The following PCDH7 variants were observed in gnomAD, a reference collection of about 807,000 sequenced individuals.
The protein encoded by PCDH7 is protocadherin-7.
Under a neutral mutation model 58.9 loss-of-function variants are expected in PCDH7, and 17 were observed. The ratio of observed to expected loss-of-function variants is 0.29; its 90% CI spans 0.20 to 0.43. The LOEUF is 0.43. PCDH7 is among the 20% of genes least tolerant of loss of function. PCDH7 has a pLI of 1.00. For synonymous variants in PCDH7, 664 were observed against 616.4 expected, an observed-to-expected ratio of 1.08 and a Z score of -1.14; for missense variants, 1,274 against 1,441.0, an observed-to-expected ratio of 0.88 and a Z score of 1.88.
intron 1 of PCDH7, among the ~76,000 whole-genome samples, chr4:30,769,480 A>G (rs911159473): frequency 6.6e-6 from 1 of 152,202 alleles, no homozygotes; most frequent in Non-Finnish European, 1.5e-5. Context: ...TTGCCTTCCC[A>G]GGTAGAGACT....
At chr4:30,788,125 T>C (rs1466111087) in intron 1 of PCDH7, among the ~76,000 whole-genome samples, 2 of 152,086 alleles carry the variant, frequency 1.3e-5, no homozygotes, top group Non-Finnish European at 2.9e-5. Flanking sequence ...ATGGGTGCTA[T>C]TATAGAAAAA....
At chr4:30,955,838 C>T (rs116113080) in intron 3 of PCDH7, among the ~76,000 whole-genome samples, 6,076 of 151,982 alleles carry the variant, frequency 0.04, 418 homozygotes, top group African/African-American at 0.14. Context: ...CATAAGCCAC[C>T]GTGCTCGGCC....
At chr4:31,074,640 C>T (rs1176155150) in intron 3 of PCDH7, among the ~76,000 whole-genome samples, 3 of 151,446 alleles carry the variant, frequency 2.0e-5, no homozygotes, top group Admixed American at 6.6e-5. Flanking sequence ...AAAAAATAGC[C>T]AGGCATGGTG....
chr4:31,044,450 G>A (rs1243808842), intron 3 of PCDH7, among the ~76,000 whole-genome samples: 1 of 151,760 alleles, frequency 6.6e-6, no homozygotes, highest in Non-Finnish European at 1.5e-5. Context: ...ATTTTTTTAA[G>A]TGTAATTATC....
intron 3 of PCDH7, among the ~76,000 whole-genome samples, chr4:31,086,384 GTC>G (rs1405343786): frequency 6.6e-5 from 10 of 152,262 alleles, no homozygotes; most frequent in Non-Finnish European, 1.5e-4. Flanking sequence ...CATGCTGTGT[GTC>G]TGTGTGTGCA....
intron 1 of PCDH7, among the ~76,000 whole-genome samples, chr4:30,884,285 T>C (rs1370139266): frequency 6.6e-6 from 1 of 152,130 alleles, no homozygotes; most frequent in Non-Finnish European, 1.5e-5. Context: ...AGGAAGTATT[T>C]TGCACAAGGT....
intron 3 of PCDH7, among the ~76,000 whole-genome samples, chr4:31,004,540 T>C (rs1179515487): frequency 6.6e-6 from 1 of 151,860 alleles, no homozygotes; most frequent in Non-Finnish European, 1.5e-5. Context: ...TGAAACCCCA[T>C]CTCTACAAAA....
At chr4:30,902,758 A>G (rs144786337) in intron 1 of PCDH7, among the ~76,000 whole-genome samples, 1 of 152,298 alleles carries the variant, frequency 6.6e-6, no homozygotes, top group East Asian at 1.9e-4. Flanking sequence ...TATTTTAGAT[A>G]TGGCTCACCA....
chr4:30,760,018 T>G (rs1719818936), intron 1 of PCDH7, among the ~76,000 whole-genome samples: 1 of 151,600 alleles, frequency 6.6e-6, no homozygotes. Context: ...ACATTGGAAA[T>G]AGGTGGGCAT....
At chr4:31,084,656 AAG>A (rs71651575) in intron 3 of PCDH7, among the ~76,000 whole-genome samples, 26,036 of 112,000 alleles carry the variant, frequency 0.23, 3,862 homozygotes, top group East Asian at 0.45. Context: ...AGGAGCAAGA[AAG>A]AGAGAGAGAG....
chr4:31,144,899 G>T (rs1720578613), downstream of PCDH7: 1 of 152,062 alleles, frequency 6.6e-6, no homozygotes, highest in Non-Finnish European at 1.5e-5. Context: ...CTAGTACTTT[G>T]TTAGGAAACT....
chr4:31,068,873 A>G (rs1055376527), intron 3 of PCDH7, among the ~76,000 whole-genome samples: 1 of 152,078 alleles, frequency 6.6e-6, no homozygotes, highest in African/African-American at 2.4e-5. Context: ...CATATAAGCC[A>G]TAATTACACT....
At chr4:30,831,430 A>G (rs528008345) in intron 1 of PCDH7, among the ~76,000 whole-genome samples, 1 of 152,184 alleles carries the variant, frequency 6.6e-6, no homozygotes, top group Admixed American at 6.6e-5. Context: ...ACAACTATAC[A>G]TAGGGTAATA....
At chr4:30,873,955 T>G (rs1735945170) in intron 1 of PCDH7, among the ~76,000 whole-genome samples, 2 of 152,138 alleles carry the variant, frequency 1.3e-5, no homozygotes, top group Admixed American at 1.3e-4. Context: ...TACAATGTAA[T>G]GGCTCAGAAA....
At position 30,722,476 on chromosome 4, in the gene PCDH7, G is replaced by C. The variant is rs774056656; in HGVS notation, c.1054G>C (p.Glu352Gln). ...CGAATACGTGTTCGGGGCGGCCACCGAGTCGGTGAGGCGGCTGCTGCGCCT... is the reference window on the plus strand; with the variant it reads ...CGAATACGTGTTCGGGGCGGCCACCCAGTCGGTGAGGCGGCTGCTGCGCCT... Residue 352 changes from glutamate (E) to glutamine (Q), a missense_variant, in exon 1 of 2, where the codon GAG becomes CAG. By Grantham distance (29) the Glu-to-Gln change is conservative. This residue lies in a region of PCDH7 where 331 missense variants were observed against 303.2 expected (regional missense o/e 1.09). Coordinates refer to ENST00000361762, the Ensembl canonical transcript of PCDH7. This position sits in a 1 kb window ranked among gnomAD's most constrained non-coding sequence, Gnocchi z 7.6. The C allele has an allele frequency of 2.6e-5, 42 of 1,609,626 alleles. No homozygotes were observed. The highest frequency in any genetic ancestry group is 1.6e-4 in the Middle Eastern group (1 of 6,064).
At chr4:30,798,236 T>C (rs948419010) in intron 1 of PCDH7, among the ~76,000 whole-genome samples, 1 of 152,176 alleles carries the variant, frequency 6.6e-6, no homozygotes, top group South Asian at 2.1e-4. Context: ...CAGAGGTCTT[T>C]ACAGACAGGG....
intron 1 of PCDH7, among the ~76,000 whole-genome samples, chr4:30,813,324 T>C (rs1727243527): frequency 6.6e-6 from 1 of 152,212 alleles, no homozygotes; most frequent in Non-Finnish European, 1.5e-5. Context: ...AGTGAACTGT[T>C]CCTTTTGGTA....
At chr4:31,012,191 G>T (rs1016022195) in intron 3 of PCDH7, among the ~76,000 whole-genome samples, 1 of 151,906 alleles carries the variant, frequency 6.6e-6, no homozygotes, top group African/African-American at 2.4e-5. Context: ...TTTCCTTTTG[G>T]CCATGTGGAA....
At chr4:30,894,440 G>T (rs1739022390) in intron 1 of PCDH7, among the ~76,000 whole-genome samples, 1 of 121,862 alleles carries the variant, frequency 8.2e-6, no homozygotes, top group Non-Finnish European at 1.6e-5. Flanking sequence ...CAAGGCCCTG[G>T]TCTGGAGACC....
Sources: gnomAD v4.1 joint callset for allele counts (sites outside exome capture counted in the v4.1 genomes callset) on GRCh38, gnomAD v4.1.1 for gene constraint, gnomAD v4.1.1 regional missense constraint, Gnocchi (gnomAD v3.1) non-coding constraint, MANE v1.5 for transcripts, NCBI Gene and HGNC (gene_info 2026-07-23, HGNC 2026-07-21) for gene names.